OAS3: variants seen among roughly 807,000 people sequenced by gnomAD.
The protein encoded by OAS3 is 2'-5'-oligoadenylate synthase 3.
In OAS3, 107 loss-of-function variants were observed where a neutral mutation model predicts 113.0. The ratio of observed to expected loss-of-function variants is 0.95; its 90% confidence interval spans 0.81 to 1.11. The LOEUF (loss-of-function observed/expected upper bound fraction) is 1.11, where lower values mean the gene tolerates loss of function less well. Ranked by LOEUF, OAS3 falls within the 50% of genes most tolerant of loss-of-function variation. The probability of loss-of-function intolerance (pLI) is 0.00; values close to 1 mark genes in which losing one functional copy is unlikely to be tolerated. For synonymous variants in OAS3, 552 were observed against 573.6 expected (o/e 0.96, Z 0.54); for missense variants, 1,258 against 1,389.1 (o/e 0.91, Z 1.50).
At chr12:112,969,398 A>G (rs1388371411) in intron 14 of OAS3, 5 of 606,876 alleles carry the variant, frequency 8.2e-6, no homozygotes, top group African/African-American at 7.4e-5. Flanking sequence ...TTGATTAGTA[A>G]TGTTTGCCTG....
rs2136366970 is a variant in OAS3 at position 112,972,387 on chromosome 12, C to G, written c.*2414C>G. ...CCCCACTGTAACTTTTGGGGGCTTC[C>G]CGGTCTAGCCACACCCTCGGATGGA... On this transcript the variant is annotated 3_prime_UTR_variant, in exon 16 of 16. Coordinates refer to ENST00000228928, the MANE Select transcript of OAS3 (RefSeq NM_006187.4). The G allele has an allele frequency of 6.6e-6, 1 of 152,280 alleles. No individual in the cohort carries two copies. Among genetic ancestry groups the G allele is most frequent in the East Asian group, 1.9e-4 (1 of 5,188 alleles). 9.4% of individuals were successfully genotyped at this position (152,280 alleles called of 1,614,324 possible). A position where few individuals can be genotyped will look rare whatever the true frequency, so the allele number is the denominator to read the frequency against.
In OAS3 at chr12:112,968,051, G is replaced by T; in HGVS notation, c.2981G>T (p.Gly994Val). ...GACTCCCAGTTCAACATGGCTGAGG[G>T]CTTCCGCACGGTCCTGGAGCTGGTC... ...GKDSQFNMAEGFRTVLELVTQ... is the reference protein window; with the variant it reads ...GKDSQFNMAEVFRTVLELVTQ... Residue 994 changes from glycine to valine, a missense_variant, in exon 14 of 16, where the codon GGC (glycine) becomes GTC (valine). Coordinates refer to ENST00000228928, the MANE Select transcript of OAS3 (RefSeq NM_006187.4). The T allele has an allele frequency of 6.2e-7, 1 of 1,614,012 alleles. No homozygotes were observed. Among genetic ancestry groups the T allele is most frequent in the Non-Finnish European group, 8.5e-7 (1 of 1,179,894 alleles).
intron 14 of OAS3, among the ~76,000 whole-genome samples, chr12:112,969,065 G>A (rs1372578554): frequency 6.6e-6 from 1 of 152,194 alleles, no homozygotes; most frequent in South Asian, 2.1e-4. Context: ...AGTGTCCAAA[G>A]GTTGAGCATC....
chr12:112,970,076 A>C lies in OAS3; in HGVS notation c.*103A>C, dbSNP rs2043970890. ...CTACCAGATGAGAGAGATTGTGTAC[A>C]TGTGTGTGTGAGCACATGTGTGCAT... On this transcript the variant is annotated 3_prime_UTR_variant, in exon 16 of 16. Transcript: ENST00000228928. 1 of 1,347,036 alleles carries C rather than the reference A, an allele frequency of 7.4e-7. No homozygotes were observed. The highest frequency in any genetic ancestry group is 2.4e-5 in the East Asian group (1 of 40,852). 83.4% of individuals were successfully genotyped at this position (1,347,036 alleles called of 1,614,324 possible).
chr12:112,951,065 ATTCTCCTAC>A, intron 7 of OAS3, 90 bp downstream of exon 7: 2 of 1,341,396 alleles, frequency 1.5e-6, no homozygotes, highest in Non-Finnish European at 1.0e-6. Flanking sequence ...TGTGATCCTA[ATTCTCCTAC>A]TTGACCAAGC....
At chr12:112,965,480 A>G (rs2043925030) in intron 11 of OAS3, among the ~76,000 whole-genome samples, 1 of 152,228 alleles carries the variant, frequency 6.6e-6, no homozygotes, top group Admixed American at 6.5e-5. Flanking sequence ...CCAACCAACA[A>G]ACAAAACACT....
intron 8 of OAS3, among the ~76,000 whole-genome samples, chr12:112,962,127 C>T (rs1369829528): frequency 2.0e-5 from 3 of 152,234 alleles, no homozygotes; most frequent in Non-Finnish European, 2.9e-5. Context: ...GCACTAAATT[C>T]TGAACATCCT....
intron 14 of OAS3, 28 bp downstream of exon 14, chr12:112,968,202 A>G (rs2043954320): frequency 1.9e-6 from 3 of 1,592,322 alleles, no homozygotes; most frequent in Non-Finnish European, 2.6e-6. Flanking sequence ...ATGTTCCAGA[A>G]TTTCAAACCT....
At position 112,944,549 on chromosome 12, in the gene OAS3, C is replaced by T. The variant is rs369916708; in HGVS notation, c.534C>T (p.Gly178=). 7.5e-5 allele frequency: 121 copies of T among 1,613,938 alleles called. No individual in the cohort carries two copies. Among genetic ancestry groups the T allele is most frequent in the Non-Finnish European group, 9.3e-5 (110 of 1,179,912 alleles). ...STLLNSGCQG[G]EHAACFTELR... The stretch of plus-strand genomic sequence containing the variant: ...TCCTCAACAGTGGCTGCCAAGGGGG[C>T]GAGCATGCGGCCTGCTTCACAGAGC... The change falls in exon 3 of 16, where the codon GGC becomes GGT. Residue 178 remains glycine (G), a synonymous_variant. Coordinates refer to ENST00000228928, the MANE Select transcript of OAS3 (RefSeq NM_006187.4).
At chr12:112,961,276 C>T in intron 8 of OAS3, 30 bp downstream of exon 8, 5 of 1,603,296 alleles carry the variant, frequency 3.1e-6, no homozygotes, top group Non-Finnish European at 4.3e-6. Flanking sequence ...TCCCAGGAAG[C>T]CACCACTGTC....
intron 3 of OAS3, among the ~76,000 whole-genome samples, chr12:112,945,982 A>C (rs901408463): frequency 6.6e-6 from 1 of 151,974 alleles, no homozygotes; most frequent in Non-Finnish European, 1.5e-5. Context: ...ACAGAGTAAG[A>C]CTCTGTCTAT....
chr12:112,969,678 A>G lies in OAS3; in HGVS notation c.3175A>G (p.Lys1059Glu), dbSNP rs745771851. 6.2e-7 allele frequency: 1 copy of G among 1,611,892 alleles called. No individual in the cohort carries two copies. ...CAATGCCCGCTGGGACCTGCTGGCC[A>G]AGGAAGCTGCAGCCTGCACATCTGC... ...GHNARWDLLA[K>E]EAAACTSALC... Residue 1059 changes from lysine (K) to glutamate (E), a missense_variant, in exon 15 of 16, where the codon AAG becomes GAG. Coordinates refer to ENST00000228928, the MANE Select transcript of OAS3 (RefSeq NM_006187.4).
At position 112,946,961 on chromosome 12, in the gene OAS3, G is replaced by C; in HGVS notation, c.855G>C (p.Gln285His). ...ACCCTGCAGTTGGGCAGTTCTTGCA[G>C]CGGCAGCTTAAGAGACCCAGGTACT... ...FEDPAVGQFL[Q>H]RQLKRPRPVI... The change falls in exon 4 of 16, where the codon CAG becomes CAC. Residue 285 changes from glutamine to histidine, a missense_variant. Physicochemically the swap from Gln to His is conservative, Grantham distance 24. Transcript: ENST00000228928. The C allele has an allele frequency of 6.2e-7, 1 of 1,614,030 alleles. No homozygotes were observed. Among genetic ancestry groups the C allele is most frequent in the Non-Finnish European group, 8.5e-7 (1 of 1,179,874 alleles).
chr12:112,962,225 A>G lies in OAS3; in HGVS notation c.1834-427A>G, dbSNP rs369578374. Among the ~76,000 whole-genome samples, 33 of 152,334 alleles carry G rather than the reference A, an allele frequency of 2.2e-4. 3 individuals are homozygous for G. Among genetic ancestry groups the G allele is most frequent in the South Asian group, 1.0e-3 (5 of 4,826 alleles). On this transcript the variant is annotated intron_variant, in intron 8 of 15. Coordinates refer to ENST00000228928, the MANE Select transcript of OAS3 (RefSeq NM_006187.4). ...AACAAACATCTATCGAGCACCTGCTATTTCTAACTTGTGATGGACACTGGG... is the reference window on the plus strand; with the variant it reads ...AACAAACATCTATCGAGCACCTGCTGTTTCTAACTTGTGATGGACACTGGG...
rs764244033 is a variant in OAS3, at chr12:112,966,021, A to T, written c.2681A>T (p.Asp894Val). The change falls in exon 12 of 16, where the codon GAC (aspartate) becomes GTC (valine). Residue 894 changes from aspartate to valine, a missense_variant. Asp to Val is a radical substitution (Grantham distance 152). Coordinates refer to ENST00000228928, the MANE Select transcript of OAS3 (RefSeq NM_006187.4). ...GACTTTGATGTGCTGCCAGCCTTTG[A>T]CGCCCTAGGTGAGGTGCCCTGGCGT... The part of the protein sequence containing the change: ...SVDFDVLPAF[D>V]ALGQLVSGSR... 3 of 1,613,954 alleles carry T rather than the reference A, an allele frequency of 1.9e-6. No individual in the cohort carries two copies. In the Admixed American group the frequency reaches 5.0e-5, roughly 27 times the overall value.
chr12:112,969,683 A>G lies in OAS3; in HGVS notation c.3180A>G (p.Glu1060=). 1 of 1,612,322 alleles carries G rather than the reference A, an allele frequency of 6.2e-7. No homozygotes were observed. The highest frequency in any genetic ancestry group is 1.3e-5 in the African/African-American group (1 of 75,040). Residue 1060 remains glutamate (E), a synonymous_variant, in exon 15 of 16, where the codon GAA becomes GAG. Coordinates refer to ENST00000228928, the MANE Select transcript of OAS3 (RefSeq NM_006187.4). ...HNARWDLLAK[E]AAACTSALCC... ...CCCGCTGGGACCTGCTGGCCAAGGA[A>G]GCTGCAGCCTGCACATCTGCCCTGT...
Position 112,959,882 on chromosome 12 carries a change from C to T in OAS3, c.1658-1189C>T, listed in dbSNP as rs2043867112. Among the ~76,000 whole-genome samples the T allele has an allele frequency of 2.0e-5, 3 of 152,098 alleles. No individual in the cohort carries two copies. In the South Asian group the frequency reaches 6.2e-4, roughly 31 times the overall value. ...AATCAATCAGTTATTTGTTCATAGGCTTCGATTCTTTCACTGTGGTTTCAG... is the reference window on the plus strand; with the variant it reads ...AATCAATCAGTTATTTGTTCATAGGTTTCGATTCTTTCACTGTGGTTTCAG... On this transcript the variant is annotated intron_variant, in intron 7 of 15. Transcript: ENST00000228928.
rs1244498297 is a variant in OAS3, at chr12:112,947,965, G to A, written c.895G>A (p.Ala299Thr). 1 of 1,599,858 alleles carries A rather than the reference G, an allele frequency of 6.3e-7. No homozygotes were observed. The change falls in exon 5 of 16, where the codon GCT becomes ACT. Residue 299 changes from alanine (A) to threonine (T), a missense_variant. Physicochemically the swap from Ala to Thr is moderately conservative, Grantham distance 58. Transcript: ENST00000228928. ...TTGCAGGCCTGTGATCCTGGACCCA[G>A]CTGACCCCACATGGGACCTGGGGAA... ...KRPRPVILDP[A>T]DPTWDLGNGA...
In OAS3 at chr12:112,938,630, G is replaced by C. The variant is rs370255768; in HGVS notation, c.100G>C (p.Gly34Arg). 23 of 1,607,420 alleles carry C rather than the reference G, an allele frequency of 1.4e-5. No homozygotes were observed. The highest frequency in any genetic ancestry group is 1.7e-5 in the Non-Finnish European group (20 of 1,177,884). Residue 34 changes from glycine to arginine, a missense_variant, in exon 1 of 16, where the codon GGC becomes CGC. By Grantham distance (125) the Gly-to-Arg change is moderately radical (BLOSUM62 -2). Coordinates refer to ENST00000228928, the MANE Select transcript of OAS3 (RefSeq NM_006187.4). The part of the protein sequence containing the change: ...EFVEKARRAL[G>R]ALAAALRERG... ...CGTAGAGAAGGCGCGGCGCGCTCTG[G>C]GCGCCCTGGCCGCTGCCCTGAGGGA...
Sources: allele counts gnomAD v4.1 joint callset (sites outside exome capture counted in the v4.1 genomes callset), GRCh38; gene constraint gnomAD v4.1.1; transcripts MANE v1.5; gene names NCBI Gene and HGNC (gene_info 2026-07-23, HGNC 2026-07-21).